The following KRT78 variants were observed in gnomAD, a reference collection of about 807,000 sequenced individuals.
KRT78 encodes keratin 78.
In KRT78, 55 loss-of-function variants were observed where a neutral mutation model predicts 51.4. That is an observed-to-expected ratio of 1.07 (90% CI 0.86 to 1.34). The LOEUF is 1.34. Among genes scored for constraint, KRT78 ranks in the 40% most tolerant of loss-of-function variants. KRT78 has a pLI of 0.00. For synonymous variants in KRT78, 291 were observed against 264.3 expected, an observed-to-expected ratio of 1.10 and a Z score of -0.98; for missense variants, 652 against 649.4, an observed-to-expected ratio of 1.00 and a Z score of -0.04.
Position 52,847,935 on chromosome 12 carries a change from G to C in KRT78, c.571C>G (p.Arg191Gly), listed in dbSNP as rs200710984. The change falls in exon 2 of 9, where the codon CGG becomes GGG. Residue 191 changes from arginine (R) to glycine (G), a missense_variant. Arg to Gly is a moderately radical substitution (Grantham distance 125). Coordinates refer to ENST00000304620, the MANE Select transcript of KRT78 (RefSeq NM_173352.4). Reference protein sequence around the residue: ...GALDAELKACRDQEEEYKSKY... With the variant: ...GALDAELKACGDQEEEYKSKY... The stretch of plus-strand genomic sequence containing the variant: ...GACTTATACTCCTCCTCCTGGTCCC[G>C]GCAGGCCTTCAACTCAGCATCCAGA... 6.2e-7 allele frequency: 1 copy of C among 1,614,006 alleles called. No homozygotes were observed. The highest frequency in any genetic ancestry group is 8.5e-7 in the Non-Finnish European group (1 of 1,180,010).
chr12:52,840,988 GCT>G (rs1183197403), intron 6 of KRT78, among the ~76,000 whole-genome samples: 1 of 152,012 alleles, frequency 6.6e-6, no homozygotes, highest in Non-Finnish European at 1.5e-5. Context: ...CTCCCCAAGT[GCT>G]CTTTCCCTAT....
At position 52,844,628 on chromosome 12, in the gene KRT78, C is replaced by T. The variant is rs748126089; in HGVS notation, c.852G>A (p.Glu284=). The T allele has an allele frequency of 2.5e-6, 4 of 1,614,176 alleles. No homozygotes were observed. The Admixed American group carries it at 6.7e-5, about 27-fold the overall frequency. ...CGATCTCCTCGTACCGGGCGCGGAC[C>T]TCAGTGATGATGCTGCTGAAGTCCA... ...RYLDFSSIIT[E]VRARYEEIAR... is the part of the protein sequence containing the mutation. The change falls in exon 5 of 9, where the codon GAG becomes GAA. Residue 284 remains glutamate (E), a synonymous_variant. Transcript: ENST00000304620.
intron 6 of KRT78, among the ~76,000 whole-genome samples, chr12:52,840,417 G>T (rs1940465957): frequency 6.6e-6 from 1 of 152,070 alleles, no homozygotes; most frequent in African/African-American, 2.4e-5. Context: ...GAAGAGAGAG[G>T]CAGGGCTGGG....
intron 3 of KRT78, 29 bp from the exon 4 acceptor site, chr12:52,846,321 A>AC (rs1940642553): frequency 7.2e-7 from 1 of 1,380,472 alleles, no homozygotes; most frequent in East Asian, 2.3e-5. Context: ...AGAACACGTA[A>AC]CCCCCTCTTC....
chr12:52,847,391 C>T (rs1940667173), intron 2 of KRT78, among the ~76,000 whole-genome samples: 2 of 152,196 alleles, frequency 1.3e-5, no homozygotes, highest in Admixed American at 1.3e-4. Context: ...CCCAAGCCCC[C>T]TATTAGTCCA....
rs142963180 is a variant in KRT78, at chr12:52,844,695, C to T, written c.785G>A (p.Ser262Asn). The T allele has an allele frequency of 1.3e-4, 215 of 1,613,262 alleles. 1 individual carries two copies. The African/African-American group carries it at 2.2e-3, about 16-fold the overall frequency. ...EELGQLQTQA[S>N]DTSVVLSMDN... ...CATGGACAGCACCACAGACGTGTCG[C>T]TGGCCTGGGTCTGGAGCTGGCCCAG... The change falls in exon 5 of 9, where the codon AGC becomes AAC. Residue 262 changes from serine (S) to asparagine (N), a missense_variant. Physicochemically the swap from Ser to Asn is conservative, Grantham distance 46. Transcript: ENST00000304620.
Position 52,839,859 on chromosome 12 carries a change from C to G in KRT78, c.1173G>C (p.Arg391=), listed in dbSNP as rs1940443698. 1.2e-6 allele frequency: 2 copies of G among 1,613,974 alleles called. No individual in the cohort carries two copies. The highest frequency in any genetic ancestry group is 1.7e-6 in the Non-Finnish European group (2 of 1,180,022). ...TCAGCTCCTGGTACTCGCACAGCAG[C>G]CGGGCCAGGTTCTGCTTGGCCATCC... ...ALRMAKQNLA[R]LLCEYQELTS... is the part of the protein sequence containing the mutation. The change falls in exon 7 of 9, where the codon CGG becomes CGC. Residue 391 remains arginine, a synonymous_variant. Transcript: ENST00000304620.
intron 6 of KRT78, among the ~76,000 whole-genome samples, chr12:52,842,963 AAG>A (rs1940540145): frequency 8.0e-5 from 2 of 25,064 alleles, no homozygotes; most frequent in Non-Finnish European, 1.5e-4. Flanking sequence ...GAGAGAGAGG[AAG>A]GAAGGAAGGA....
intron 3 of KRT78, 45 bp from the exon 4 acceptor site, chr12:52,846,337 T>C (rs762327590): frequency 2.5e-6 from 3 of 1,211,346 alleles, no homozygotes; most frequent in Non-Finnish European, 3.7e-6. Context: ...TCTTCCTCTT[T>C]GGGGTCCCTA....
intron 7 of KRT78, 34 bp from the exon 8 acceptor site, chr12:52,839,521 A>G: frequency 1.3e-6 from 2 of 1,542,040 alleles, no homozygotes; most frequent in South Asian, 1.2e-5. Flanking sequence ...GGATGCGCTA[A>G]GGAATACTAC....
At chr12:52,840,049 C>G in intron 6 of KRT78, 65 bp from the exon 7 acceptor site, 1 of 1,152,540 alleles carries the variant, frequency 8.7e-7, no homozygotes. Flanking sequence ...TCAAAGCACC[C>G]ACTGTGGATA....
chr12:52,847,609 A>G (rs1940671733), intron 2 of KRT78, among the ~76,000 whole-genome samples: 4 of 152,244 alleles, frequency 2.6e-5, no homozygotes, highest in African/African-American at 9.6e-5. Flanking sequence ...TTGTTTAAAT[A>G]AGCCCTTCCC....
At chr12:52,847,281 A>C (rs1940664866) in intron 2 of KRT78, among the ~76,000 whole-genome samples, 3 of 152,210 alleles carry the variant, frequency 2.0e-5, no homozygotes, top group Admixed American at 2.0e-4. Context: ...CCAGAAGGGC[A>C]GGTGACATTT....
In KRT78 at chr12:52,848,554, A is replaced by G. The variant is rs1461508412; in HGVS notation, c.377T>C (p.Ile126Thr). 2 of 1,614,006 alleles carry G rather than the reference A, an allele frequency of 1.2e-6. No homozygotes were observed. The highest frequency in any genetic ancestry group is 1.1e-5 in the South Asian group (1 of 91,066). ...GGCTGAGTTGACCCTCACCTTGTCA[A>G]TGAAGGAAGCAAACTGGTTGTTGAG... Reference protein sequence around the residue: ...RTLNNQFASFIDKVRFLEQQN... With the variant: ...RTLNNQFASFTDKVRFLEQQN... Residue 126 changes from isoleucine (I) to threonine (T), a missense_variant, in exon 1 of 9, where the codon ATT (isoleucine) becomes ACT (threonine). Coordinates refer to ENST00000304620, the MANE Select transcript of KRT78 (RefSeq NM_173352.4).
chr12:52,839,868 G>C lies in KRT78; in HGVS notation c.1164C>G (p.Asn388Lys), dbSNP rs769453830. Residue 388 changes from asparagine (N) to lysine (K), a missense_variant, in exon 7 of 9, where the codon AAC (asparagine) becomes AAG (lysine). Physicochemically the swap from Asn to Lys is moderately conservative, Grantham distance 94. Coordinates refer to ENST00000304620, the MANE Select transcript of KRT78 (RefSeq NM_173352.4). ...GGTACTCGCACAGCAGCCGGGCCAGGTTCTGCTTGGCCATCCTCAGAGCAG... is the reference window on the plus strand; with the variant it reads ...GGTACTCGCACAGCAGCCGGGCCAGCTTCTGCTTGGCCATCCTCAGAGCAG... ...LEAALRMAKQ[N>K]LARLLCEYQE... 1.2e-6 allele frequency: 2 copies of C among 1,614,054 alleles called. No homozygotes were observed. Among genetic ancestry groups the C allele is most frequent in the East Asian group, 4.5e-5 (2 of 44,850 alleles).
chr12:52,842,903 T>G (rs1940531881), intron 6 of KRT78, among the ~76,000 whole-genome samples: 1 of 132,502 alleles, frequency 7.5e-6, no homozygotes, highest in African/African-American at 2.9e-5. Context: ...CTGACAACAG[T>G]GAAACTCCAT....
intron 6 of KRT78, among the ~76,000 whole-genome samples, chr12:52,842,959 G>GAGAGAGGAAGGA (rs1299063277): frequency 1.9e-5 from 1 of 53,758 alleles, no homozygotes; most frequent in African/African-American, 1.2e-4. Flanking sequence ...GAGAGAGAGA[G>GAGAGAGGAAGGA]AGGAAGGAAG....
In KRT78 at chr12:52,848,888, G is replaced by C; in HGVS notation, c.43C>G (p.Arg15Gly). ...CTTGAGCGAGCAGAACAGGCTGAGCGAGCGCTGAAGCCCCTCTGGGCCCGG... is the reference window on the plus strand; with the variant it reads ...CTTGAGCGAGCAGAACAGGCTGAGCCAGCGCTGAAGCCCCTCTGGGCCCGG... ...PCRAQRGFSA[R>G]SACSARSRGR... Residue 15 changes from arginine to glycine, a missense_variant, in exon 1 of 9, where the codon CGC (arginine) becomes GGC (glycine). Coordinates refer to ENST00000304620, the MANE Select transcript of KRT78 (RefSeq NM_173352.4). The C allele has an allele frequency of 6.3e-7, 1 of 1,596,538 alleles. No individual in the cohort carries two copies.
In KRT78 at chr12:52,847,910, G is replaced by A. The variant is rs202094096; in HGVS notation, c.596C>T (p.Ser199Phe). 1 of 1,613,886 alleles carries A rather than the reference G, an allele frequency of 6.2e-7. No individual in the cohort carries two copies. Among genetic ancestry groups the A allele is most frequent in the East Asian group, 2.2e-5 (1 of 44,890 alleles). Residue 199 changes from serine to phenylalanine, a missense_variant, in exon 2 of 9, where the codon TCC becomes TTC. Coordinates refer to ENST00000304620, the MANE Select transcript of KRT78 (RefSeq NM_173352.4). ...ACRDQEEEYK[S>F]KYEEEAHRRA... is the part of the protein sequence containing the mutation. ...GGGGAAATTTCAGTGTGCCTACTTGGACTTATACTCCTCCTCCTGGTCCCG... is the reference window on the plus strand; with the variant it reads ...GGGGAAATTTCAGTGTGCCTACTTGAACTTATACTCCTCCTCCTGGTCCCG...
Sources: gnomAD v4.1 joint callset for allele counts (sites outside exome capture counted in the v4.1 genomes callset) on GRCh38, gnomAD v4.1.1 for gene constraint, MANE v1.5 for transcripts, NCBI Gene and HGNC (gene_info 2026-07-23, HGNC 2026-07-21) for gene names.